ZDHHC3: variants seen among roughly 807,000 people sequenced by gnomAD.
The protein encoded by ZDHHC3 is zDHHC palmitoyltransferase 3, also known as palmitoyltransferase ZDHHC3.
A neutral mutation model predicts 30.6 loss-of-function variants in ZDHHC3; 9 were observed. That is an observed-to-expected ratio of 0.29 (90% CI 0.18 to 0.51). ZDHHC3 has a LOEUF of 0.51. Among genes scored for constraint, ZDHHC3 ranks in the 20% least tolerant of loss-of-function variants. The pLI is 0.97. For missense variants in ZDHHC3, 246 were observed against 384.2 expected (o/e 0.64, Z 3.01); for synonymous variants, 136 against 140.2 (o/e 0.97, Z 0.21).
chr3:44,965,303 G>A (rs748293769), intron 1 of ZDHHC3, among the ~76,000 whole-genome samples: 1 of 152,100 alleles, frequency 6.6e-6, no homozygotes, highest in Non-Finnish European at 1.5e-5. Context: ...AACCCACACT[G>A]ACAGACACAA....
At chr3:44,960,223 T>C (rs1260245363) in intron 1 of ZDHHC3, among the ~76,000 whole-genome samples, 6 of 152,202 alleles carry the variant, frequency 3.9e-5, no homozygotes, top group Non-Finnish European at 7.4e-5. Flanking sequence ...TCCTACCACC[T>C]GGCTGAGGGG....
chr3:44,925,534 C>T lies in ZDHHC3; in HGVS notation c.*1155G>A. 2 of 985,498 alleles carry T rather than the reference C, an allele frequency of 2.0e-6. No homozygotes were observed. The highest frequency in any genetic ancestry group is 2.4e-6 in the Non-Finnish European group (2 of 829,946). The allele number at this position is 985,498 out of a possible 1,614,324, so 61.0% of individuals were successfully genotyped here. ...GTGCCTCTCAAATGGAAAATCTATT[C>T]TGTCCCAGTGCCACAGGCTTAGGTG... is the stretch of plus-strand genomic sequence containing the variant. On this transcript the variant is annotated 3_prime_UTR_variant, in exon 7 of 7. Transcript: ENST00000424952.
Position 44,959,464 on chromosome 3 carries a change from A to C in ZDHHC3, c.-24-4T>G. The C allele has an allele frequency of 6.3e-7, 1 of 1,592,834 alleles. No homozygotes were observed. The highest frequency in any genetic ancestry group is 8.6e-7 in the Non-Finnish European group (1 of 1,165,694). On this transcript the variant is annotated splice_region_variant and splice_polypyrimidine_tract_variant and intron_variant, in intron 1 of 6. Transcript: ENST00000424952. This position sits in a 1 kb window ranked among gnomAD's most constrained non-coding sequence, Gnocchi z 4.3. The stretch of plus-strand genomic sequence containing the variant: ...GCTATTCTGTCCATACTGGCATCTG[A>C]AAGAGAGAGGAAAGAATCCAGAAAC...
rs1358045556 is a variant in ZDHHC3 at position 44,924,288 on chromosome 3, T to C, written c.*2401A>G. On this transcript the variant is annotated 3_prime_UTR_variant, in exon 7 of 7. Coordinates refer to ENST00000424952, the MANE Select transcript of ZDHHC3 (RefSeq NM_001135179.2). The stretch of plus-strand genomic sequence containing the variant: ...GGAAGCCAGGCTGGGAACCAATCAC[T>C]ACCCTGCAAATGATGGCTACATTCC... The C allele has an allele frequency of 1.0e-6, 1 of 985,332 alleles. No homozygotes were observed. Among genetic ancestry groups the C allele is most frequent in the Non-Finnish European group, 1.2e-6 (1 of 829,940 alleles). The allele number at this position is 985,332 out of a possible 1,614,324, so 61.0% of individuals were successfully genotyped here. A position where few individuals can be genotyped will look rare whatever the true frequency, so the allele number is the denominator to read the frequency against.
chr3:44,966,480 T>C (rs1276660643), intron 1 of ZDHHC3, among the ~76,000 whole-genome samples: 2 of 152,220 alleles, frequency 1.3e-5, no homozygotes, highest in African/African-American at 2.4e-5. Context: ...TTTTCTGATA[T>C]GTCTATAACT....
intron 1 of ZDHHC3, among the ~76,000 whole-genome samples, chr3:44,961,340 C>G (rs927292922): frequency 1.3e-5 from 2 of 152,044 alleles, no homozygotes; most frequent in African/African-American, 4.8e-5. Flanking sequence ...TGCAGTGAGC[C>G]GAGATCACGC....
rs368475280 is a variant in ZDHHC3, at chr3:44,933,974, G to A, written c.442C>T (p.Arg148Trp). The A allele has an allele frequency of 4.3e-6, 7 of 1,614,034 alleles. No homozygotes were observed. The highest frequency in any genetic ancestry group is 1.1e-5 in the South Asian group (1 of 91,090). Reference sequence around the variant, plus strand: ...TGGTGGTCCATCTTCCGAATGCACCGCTTACAAACACTGAAACAGCCCACA... The same window carrying A: ...TGGTGGTCCATCTTCCGAATGCACCACTTACAAACACTGAAACAGCCCACA... The part of the protein sequence containing the change: ...DRAHHCSVCK[R>W]CIRKMDHHCP... The change falls in exon 4 of 7, where the codon CGG becomes TGG. Residue 148 changes from arginine (R) to tryptophan (W), a missense_variant. By Grantham distance (101) the Arg-to-Trp change is moderately radical. Coordinates refer to ENST00000424952, the MANE Select transcript of ZDHHC3 (RefSeq NM_001135179.2).
In ZDHHC3 at chr3:44,918,686, T is replaced by G. The variant is rs1442311438; in HGVS notation, c.*8003A>C. The stretch of plus-strand genomic sequence containing the variant: ...CTCGTACAGCAAGTGCCAACATGCA[T>G]TAGGCAGCCGGAGGGCACACAGGAC... On this transcript the variant is annotated 3_prime_UTR_variant, in exon 7 of 7. Transcript: ENST00000424952. The G allele has an allele frequency of 4.0e-6, 4 of 997,066 alleles. No homozygotes were observed. The African/African-American group carries it at 5.2e-5, about 13-fold the overall frequency. 61.8% of individuals were successfully genotyped at this position (997,066 alleles called of 1,614,324 possible).
intron 3 of ZDHHC3, among the ~76,000 whole-genome samples, chr3:44,940,770 A>C (rs966254511): frequency 6.6e-6 from 1 of 152,024 alleles, no homozygotes; most frequent in African/African-American, 2.4e-5. Flanking sequence ...ATATGTATTC[A>C]GTTTCTCTGG....
intron 2 of ZDHHC3, among the ~76,000 whole-genome samples, chr3:44,957,701 G>A (rs978683932): frequency 2.0e-5 from 3 of 152,084 alleles, no homozygotes; most frequent in Non-Finnish European, 2.9e-5. Context: ...CTTGGGCATC[G>A]CTTCCTCTAA....
chr3:44,972,641 C>A (rs1313098947), intron 1 of ZDHHC3, among the ~76,000 whole-genome samples: 2 of 152,174 alleles, frequency 1.3e-5, no homozygotes, highest in Non-Finnish European at 2.9e-5. Flanking sequence ...GTATTTGATA[C>A]CTGGCCTGCA....
At chr3:44,933,842 T>C (rs746433210) in intron 4 of ZDHHC3, 46 bp downstream of exon 4, 6 of 1,532,016 alleles carry the variant, frequency 3.9e-6, no homozygotes, top group Non-Finnish European at 5.4e-6. Context: ...AACAAAGTGC[T>C]CCATTGCTTC....
chr3:44,932,997 G>A, intron 5 of ZDHHC3, 121 bp downstream of exon 5: 1 of 1,614,134 alleles, frequency 6.2e-7, no homozygotes, highest in Non-Finnish European at 8.5e-7. Flanking sequence ...TAGGCTTTCA[G>A]GAGATTTAAT....
At position 44,917,040 on chromosome 3, in the gene ZDHHC3, T is replaced by C. The variant is rs191946502; in HGVS notation, c.*9649A>G. 6.6e-6 allele frequency: 1 copy of C among 152,302 alleles called. No homozygotes were observed. The highest frequency in any genetic ancestry group is 1.9e-4 in the East Asian group (1 of 5,176). 9.4% of individuals were successfully genotyped at this position (152,302 alleles called of 1,614,324 possible). ...GAGGTAACATTCAATTAAGTTCTCA[T>C]GCGAGTGGTTAGGGAGTCCCCAGTA... On this transcript the variant is annotated 3_prime_UTR_variant, in exon 7 of 7. Coordinates refer to ENST00000424952, the MANE Select transcript of ZDHHC3 (RefSeq NM_001135179.2).
intron 4 of ZDHHC3, among the ~76,000 whole-genome samples, chr3:44,933,677 T>G (rs1388070493): frequency 1.3e-5 from 2 of 152,178 alleles, no homozygotes; most frequent in African/African-American, 4.8e-5. Flanking sequence ...TGCTCATAGC[T>G]AATCAACTGA....
intron 2 of ZDHHC3, among the ~76,000 whole-genome samples, chr3:44,945,687 A>G (rs1702863521): frequency 6.6e-6 from 1 of 151,858 alleles, no homozygotes; most frequent in African/African-American, 2.4e-5. Context: ...CCTCCCGAGT[A>G]GCTTGGATTA....
chr3:44,946,674 AG>A (rs1189730183), intron 2 of ZDHHC3, among the ~76,000 whole-genome samples: 1 of 152,194 alleles, frequency 6.6e-6, no homozygotes, highest in African/African-American at 2.4e-5. Context: ...GAGGCTGGCT[AG>A]GTAGACCTGT....
chr3:44,948,614 C>T (rs1703158277), intron 2 of ZDHHC3, among the ~76,000 whole-genome samples: 1 of 152,176 alleles, frequency 6.6e-6, no homozygotes, highest in Admixed American at 6.5e-5. Flanking sequence ...GGCATGGCCA[C>T]CAGTGCGTCA....
intron 5 of ZDHHC3, among the ~76,000 whole-genome samples, chr3:44,930,091 A>G (rs2125816726): frequency 6.6e-6 from 1 of 152,300 alleles, no homozygotes; most frequent in Non-Finnish European, 1.5e-5. Flanking sequence ...CCAAAGAGGC[A>G]TGGGCCCAGA....
Sources: allele counts gnomAD v4.1 joint callset (sites outside exome capture counted in the v4.1 genomes callset), GRCh38; gene constraint gnomAD v4.1.1; non-coding constraint Gnocchi (gnomAD v3.1); transcripts MANE v1.5; gene names NCBI Gene and HGNC (gene_info 2026-07-23, HGNC 2026-07-21).